Variants in MAML3 observed in about 807,000 individuals in gnomAD.
MAML3 encodes mastermind like transcriptional coactivator 3.
In MAML3, 27 loss-of-function variants were observed where a neutral mutation model predicts 101.9. The ratio of observed to expected loss-of-function variants is 0.27; its 90% CI spans 0.20 to 0.37. The LOEUF (loss-of-function observed/expected upper bound fraction) is 0.37. Among genes scored for constraint, MAML3 ranks in the 10% least tolerant of loss-of-function variants. The probability of loss-of-function intolerance (pLI) is 1.00; values close to 1 mark genes in which losing one functional copy is unlikely to be tolerated. For missense variants in MAML3, 1,316 were observed against 1,444.9 expected (o/e 0.91, Z 1.45); for synonymous variants, 501 against 555.9 (o/e 0.90, Z 1.39).
chr4:139,898,911 A>G (rs2111209372), intron 1 of MAML3, among the ~76,000 whole-genome samples: 1 of 152,316 alleles, frequency 6.6e-6, no homozygotes, highest in Middle Eastern at 3.4e-3. Flanking sequence ...TGCCCTTAGA[A>G]AGGATCTTGA....
chr4:139,932,876 G>A (rs2110730234), intron 1 of MAML3, among the ~76,000 whole-genome samples: 1 of 152,248 alleles, frequency 6.6e-6, no homozygotes, highest in South Asian at 2.1e-4. Context: ...ACTGAACCAG[G>A]TAGAAGGACC....
intron 1 of MAML3, among the ~76,000 whole-genome samples, chr4:140,011,583 A>T (rs1166644198): frequency 2.6e-5 from 4 of 151,268 alleles, no homozygotes; most frequent in South Asian, 2.1e-4. Flanking sequence ...TGACCTCATG[A>T]TCCACCCGCC....
intron 1 of MAML3, among the ~76,000 whole-genome samples, chr4:139,919,529 T>G (rs1196034735): frequency 1.3e-5 from 2 of 152,150 alleles, no homozygotes; most frequent in African/African-American, 4.8e-5. Flanking sequence ...AGCAAAGAGA[T>G]GTAAGATGGA....
intron 1 of MAML3, among the ~76,000 whole-genome samples, chr4:140,074,125 CGAAAAAGAAAGAAAAAGAAAGAAA>C (rs1560885389): frequency 9.0e-6 from 1 of 111,368 alleles, no homozygotes; most frequent in African/African-American, 3.3e-5. Context: ...AGTGAGACTT[CGAAAAAGAAAGAAAAAGAAAGAAA>C]GAAAGAGAGA....
chr4:139,930,354 G>A lies in MAML3; in HGVS notation c.469-39387C>T, dbSNP rs142847406. Among the ~76,000 whole-genome samples the A allele has an allele frequency of 9.9e-5, 15 of 152,214 alleles. No individual in the cohort carries two copies. In the East Asian group the frequency reaches 1.2e-3, roughly 12 times the overall value. On this transcript the variant is annotated intron_variant, in intron 1 of 4. Transcript: ENST00000509479. ...TTGTGAGCAGAGTTCACAAAGGTGCGGATGAAGACCGTTCGCTGGGCTTCA... is the reference window on the plus strand; with the variant it reads ...TTGTGAGCAGAGTTCACAAAGGTGCAGATGAAGACCGTTCGCTGGGCTTCA...
intron 2 of MAML3, among the ~76,000 whole-genome samples, chr4:139,833,286 C>A (rs1225741744): frequency 6.6e-6 from 1 of 152,180 alleles, no homozygotes; most frequent in African/African-American, 2.4e-5. Flanking sequence ...GTGGAAGCGC[C>A]TAGAGCAGTC....
chr4:139,810,170 T>C (rs1300238920), intron 2 of MAML3, among the ~76,000 whole-genome samples: 1 of 151,642 alleles, frequency 6.6e-6, no homozygotes, highest in Non-Finnish European at 1.5e-5. Flanking sequence ...TCATGCAATA[T>C]GTAAACCAAA....
chr4:139,798,231 G>A (rs751358004), intron 2 of MAML3, among the ~76,000 whole-genome samples: 8 of 152,026 alleles, frequency 5.3e-5, no homozygotes, highest in African/African-American at 9.7e-5. Flanking sequence ...AATCACTTAC[G>A]CTTTCTGAGC....
intron 2 of MAML3, among the ~76,000 whole-genome samples, chr4:139,863,832 G>GTTTTTTTTTTT (rs58270046): frequency 0.013 from 1,444 of 110,922 alleles, 209 homozygotes; most frequent in East Asian, 0.087. Flanking sequence ...CAGAACATGG[G>GTTTTTTTTTTT]TTTTTTTTTT....
intron 1 of MAML3, among the ~76,000 whole-genome samples, chr4:140,121,225 C>A (rs141357912): frequency 6.6e-6 from 1 of 152,220 alleles, no homozygotes; most frequent in East Asian, 1.9e-4. Context: ...CCTAATTGTG[C>A]CAAATAGATA....
In MAML3 at chr4:140,153,462, T is replaced by C. The variant is rs2111073075; in HGVS notation, c.-135A>G. On this transcript the variant is annotated 5_prime_UTR_variant, in exon 1 of 5. Coordinates refer to ENST00000509479, the MANE Select transcript of MAML3 (RefSeq NM_018717.5). ...GCAAGCACATGGATGGAAACGGCGA[T>C]CCCGACGGGGCGAAAAAAACGGGGG... The C allele has an allele frequency of 1.1e-4, 71 of 644,102 alleles. No homozygotes were observed. The highest frequency in any genetic ancestry group is 3.3e-4 in the East Asian group (5 of 15,266). 39.9% of individuals were successfully genotyped at this position (644,102 alleles called of 1,614,324 possible). A position where few individuals can be genotyped will look rare whatever the true frequency, so the allele number is the denominator to read the frequency against.
At chr4:140,138,241 G>A (rs1383117449) in intron 1 of MAML3, among the ~76,000 whole-genome samples, 3 of 152,116 alleles carry the variant, frequency 2.0e-5, no homozygotes, top group African/African-American at 7.2e-5. Context: ...GGTTATTTAC[G>A]ATTTTCACAA....
At chr4:139,946,919 A>T (rs1461141620) in intron 1 of MAML3, among the ~76,000 whole-genome samples, 839 of 76,274 alleles carry the variant, frequency 0.011, 8 homozygotes, top group African/African-American at 0.034. Flanking sequence ...ACACACACAC[A>T]CACACACTCT....
Position 139,954,001 on chromosome 4 carries a change from T to A in MAML3, c.469-63034A>T, listed in dbSNP as rs538497772. On this transcript the variant is annotated intron_variant, in intron 1 of 4. Transcript: ENST00000509479. ...CATAAAAAGGATTCTTGGGCATCTT[T>A]CCTGAAAATTCTAATTCAGTAGTTC... 7.9e-5 allele frequency among the ~76,000 whole-genome samples: 12 copies of A among 152,346 alleles called. No homozygotes were observed. In the East Asian group the frequency reaches 1.2e-3, roughly 15 times the overall value.
intron 2 of MAML3, among the ~76,000 whole-genome samples, chr4:139,845,766 C>T (rs187709366): frequency 2.0e-5 from 3 of 152,188 alleles, no homozygotes; most frequent in African/African-American, 4.8e-5. Flanking sequence ...TACCACAATC[C>T]CCTTATACCT....
intron 1 of MAML3, among the ~76,000 whole-genome samples, chr4:140,008,936 A>G (rs1305309170): frequency 6.6e-6 from 1 of 152,248 alleles, no homozygotes; most frequent in African/African-American, 2.4e-5. Context: ...AAAATTGTTC[A>G]TAAATTATAA....
chr4:139,751,221 C>G (rs771363579), intron 2 of MAML3, among the ~76,000 whole-genome samples: 1 of 152,170 alleles, frequency 6.6e-6, no homozygotes, highest in Non-Finnish European at 1.5e-5. Flanking sequence ...TTCTAGGAGA[C>G]TACTATGATA....
rs113274639 is a variant in MAML3 at position 139,896,607 on chromosome 4, G to GGTGTGTGTGTGTGTGTGTGTGTGT, written c.469-5664_469-5641dup. 5.4e-3 allele frequency among the ~76,000 whole-genome samples: 777 copies of GGTGTGTGTGTGTGTGTGTGTGTGT among 144,710 alleles called. 8 individuals carry two copies. The highest frequency in any genetic ancestry group is 0.014 in the South Asian group (62 of 4,406). 94.9% of individuals were successfully genotyped at this position (144,710 alleles called of 152,430 possible). On this transcript the variant is annotated intron_variant, in intron 1 of 4. Transcript: ENST00000509479. Reference sequence around the variant, plus strand: ...CTTGATGGCTTGTTTCTGTGAAACTGGTGTGTGTGTGTGTGTGTGTGTGTG... The same window carrying GGTGTGTGTGTGTGTGTGTGTGTGT: ...CTTGATGGCTTGTTTCTGTGAAACTGGTGTGTGTGTGTGTGTGTGTGTGTGTGTGTGTGTGTGTGTGTGTGTGTG...
chr4:139,756,772 A>G (rs1729659542), intron 2 of MAML3, among the ~76,000 whole-genome samples: 1 of 152,190 alleles, frequency 6.6e-6, no homozygotes, highest in Non-Finnish European at 1.5e-5. Context: ...TTTGAATGGC[A>G]GCACACAATA....
Sources: allele counts gnomAD v4.1 joint callset (sites outside exome capture counted in the v4.1 genomes callset), GRCh38; gene constraint gnomAD v4.1.1; transcripts MANE v1.5; gene names NCBI Gene and HGNC (gene_info 2026-07-23, HGNC 2026-07-21).